DLGAP2: variants seen among roughly 807,000 people sequenced by gnomAD.
DLGAP2 encodes disks large-associated protein 2.
Under a neutral mutation model 100.3 loss-of-function variants are expected in DLGAP2, and 26 were observed. The ratio of observed to expected loss-of-function variants is 0.26; its 90% CI spans 0.19 to 0.36. The LOEUF (loss-of-function observed/expected upper bound fraction) is 0.36, where lower values mean the gene tolerates loss of function less well. DLGAP2 is among the 10% of genes least tolerant of loss of function. The pLI is 1.00. For missense variants in DLGAP2, 1,858 were observed against 1,453.2 expected, an observed-to-expected ratio of 1.28 and a Z score of -4.53; for synonymous variants, 886 against 630.1, an observed-to-expected ratio of 1.41 and a Z score of -6.08.
chr8:767,545 C>T (rs1033580962), intron 1 of DLGAP2, among the ~76,000 whole-genome samples: 10 of 151,834 alleles, frequency 6.6e-5, no homozygotes, highest in Non-Finnish European at 1.2e-4. Flanking sequence ...TTAGTAGAGA[C>T]GGGGTTTCAC....
chr8:1,704,012 C>G lies in DLGAP2; in HGVS notation c.*2606C>G, dbSNP rs1040983870. On this transcript the variant is annotated 3_prime_UTR_variant, in exon 15 of 15. Transcript: ENST00000637795. ...GTGTTACATAATCAAGTGCAATATA[C>G]TCAGTTCTCATGCAGGTGACATTCT... The G allele has an allele frequency of 4.6e-5, 7 of 152,598 alleles. No individual in the cohort carries two copies. Among genetic ancestry groups the G allele is most frequent in the Non-Finnish European group, 7.3e-5 (5 of 68,040 alleles). The allele number at this position is 152,598 out of a possible 1,614,324, so 9.5% of individuals were successfully genotyped here. A position where few individuals can be genotyped will look rare whatever the true frequency, so the allele number is the denominator to read the frequency against.
intron 2 of DLGAP2, among the ~76,000 whole-genome samples, chr8:1,148,064 G>T (rs977144207): frequency 2.0e-5 from 3 of 152,104 alleles, no homozygotes; most frequent in African/African-American, 7.2e-5. Flanking sequence ...TTAAACATTG[G>T]AAATATTTCT....
chr8:1,688,394 C>G (rs952985595), intron 12 of DLGAP2: 2 of 152,202 alleles, frequency 1.3e-5, no homozygotes, highest in African/African-American at 4.8e-5. Context: ...AAGTGTTATC[C>G]GAGTTACTTG....
chr8:1,287,265 C>CAT (rs1799945596), intron 3 of DLGAP2, among the ~76,000 whole-genome samples: 1 of 32,494 alleles, frequency 3.1e-5, no homozygotes, highest in Non-Finnish European at 4.9e-5. Flanking sequence ...TTTAGTTCAG[C>CAT]GTGTGTGTGT....
chr8:869,305 G>C (rs1797554914), intron 1 of DLGAP2, among the ~76,000 whole-genome samples: 1 of 152,212 alleles, frequency 6.6e-6, no homozygotes, highest in Non-Finnish European at 1.5e-5. Flanking sequence ...CACATTTGAT[G>C]AAGTGAGTTG....
chr8:1,118,275 T>C (rs1316308513), intron 2 of DLGAP2, among the ~76,000 whole-genome samples: 2 of 152,212 alleles, frequency 1.3e-5, no homozygotes, highest in Non-Finnish European at 2.9e-5. Context: ...AGCTTCACTC[T>C]GGTGCTGATT....
At chr8:1,108,936 A>C (rs1462702027) in intron 2 of DLGAP2, among the ~76,000 whole-genome samples, 2 of 115,210 alleles carry the variant, frequency 1.7e-5, no homozygotes, top group Non-Finnish European at 3.5e-5. Flanking sequence ...TGAGGTGTGC[A>C]TAGGTCTGTG....
intron 3 of DLGAP2, among the ~76,000 whole-genome samples, chr8:1,407,514 A>G (rs370804334): frequency 1.4e-5 from 2 of 138,562 alleles, no homozygotes; most frequent in South Asian, 2.7e-4. Flanking sequence ...CCACCTCCTC[A>G]TCGTCCAGAG....
chr8:968,952 G>A (rs985722468), intron 2 of DLGAP2, among the ~76,000 whole-genome samples: 3 of 152,212 alleles, frequency 2.0e-5, no homozygotes, highest in Non-Finnish European at 4.4e-5. Context: ...TAAAGTCACA[G>A]TTCCCGCGAA....
chr8:1,229,455 A>C (rs1382777608), intron 2 of DLGAP2, among the ~76,000 whole-genome samples: 1 of 152,124 alleles, frequency 6.6e-6, no homozygotes, highest in Non-Finnish European at 1.5e-5. Context: ...ATCTGGCAAG[A>C]TTATGTATTT....
chr8:1,492,935 C>T (rs1035536634), intron 3 of DLGAP2, among the ~76,000 whole-genome samples: 4 of 152,188 alleles, frequency 2.6e-5, no homozygotes, highest in African/African-American at 4.8e-5. Context: ...CGCCCTCCAC[C>T]CTCCACTGCC....
At chr8:1,372,046 G>T (rs1441477678) in intron 3 of DLGAP2, among the ~76,000 whole-genome samples, 3 of 152,232 alleles carry the variant, frequency 2.0e-5, no homozygotes, top group African/African-American at 4.8e-5. Context: ...CAGGTGGGGG[G>T]CCTGAGGCAC....
At chr8:862,707 A>C (rs1797416658) in intron 1 of DLGAP2, among the ~76,000 whole-genome samples, 1 of 152,112 alleles carries the variant, frequency 6.6e-6, no homozygotes, top group Non-Finnish European at 1.5e-5. Flanking sequence ...GATCTTGTCC[A>C]CCGTTACTTG....
chr8:1,041,465 T>C (rs762655767), intron 2 of DLGAP2, among the ~76,000 whole-genome samples: 28 of 152,216 alleles, frequency 1.8e-4, no homozygotes, highest in Admixed American at 7.2e-4. Context: ...ATGTGGCATT[T>C]TCTCCTTTCC....
chr8:966,807 C>T (rs1799883177), intron 2 of DLGAP2, among the ~76,000 whole-genome samples: 1 of 152,192 alleles, frequency 6.6e-6, no homozygotes, highest in Non-Finnish European at 1.5e-5. Context: ...TTAGGATGGT[C>T]AACCTTCTTC....
chr8:768,212 C>T (rs1345779948), intron 1 of DLGAP2, among the ~76,000 whole-genome samples: 3 of 152,104 alleles, frequency 2.0e-5, no homozygotes, highest in Admixed American at 6.5e-5. Context: ...GAGGCACTGC[C>T]ACATGCTGGT....
At chr8:1,303,531 C>T (rs1325756327) in intron 3 of DLGAP2, among the ~76,000 whole-genome samples, 1 of 152,042 alleles carries the variant, frequency 6.6e-6, no homozygotes, top group African/African-American at 2.4e-5. Context: ...GGGCTGTGCG[C>T]TGCGCTGGTC....
chr8:1,548,807 G>A lies in DLGAP2; in HGVS notation c.354G>A (p.Pro118=), dbSNP rs1480358208. The change falls in exon 5 of 15, where the codon CCG becomes CCA. Residue 118 remains proline (P), a synonymous_variant. Transcript: ENST00000637795. The stretch of plus-strand genomic sequence containing the variant: ...TGCACCACGGGCCCGACGCGCGGCC[G>A]CCCTACCTGCTGAGCCCCGCCGACA... The part of the protein sequence containing the change: ...EHLHHGPDAR[P]PYLLSPADSC... 5 of 1,579,846 alleles carry A rather than the reference G, an allele frequency of 3.2e-6. No individual in the cohort carries two copies. The highest frequency in any genetic ancestry group is 1.1e-5 in the South Asian group (1 of 88,286).
Position 1,703,792 on chromosome 8 carries a change from T to C in DLGAP2, c.*2386T>C, listed in dbSNP as rs1355712158. The C allele has an allele frequency of 6.6e-6, 1 of 152,570 alleles. No homozygotes were observed. Among genetic ancestry groups the C allele is most frequent in the Non-Finnish European group, 1.5e-5 (1 of 68,040 alleles). 9.5% of individuals were successfully genotyped at this position (152,570 alleles called of 1,614,324 possible). A position where few individuals can be genotyped will look rare whatever the true frequency, so the allele number is the denominator to read the frequency against. On this transcript the variant is annotated 3_prime_UTR_variant, in exon 15 of 15. Coordinates refer to ENST00000637795, the MANE Select transcript of DLGAP2 (RefSeq NM_001346810.2). ...TTCTTATGTTTTGTAGACTCATTGT[T>C]ATTTTTCAATCCCCAAAAGTCTTGG...
Sources: allele counts gnomAD v4.1 joint callset (sites outside exome capture counted in the v4.1 genomes callset), GRCh38; gene constraint gnomAD v4.1.1; transcripts MANE v1.5; gene names NCBI Gene and HGNC (gene_info 2026-07-23, HGNC 2026-07-21).